The following PLPP3 variants were observed in gnomAD, a reference collection of about 807,000 sequenced individuals.
PLPP3 encodes phospholipid phosphatase 3, also known as PAP2 beta.
In PLPP3, 6 loss-of-function variants were observed where a neutral mutation model predicts 29.6. The ratio of observed to expected loss-of-function variants is 0.20; its 90% CI spans 0.11 to 0.40. The LOEUF is 0.40. PLPP3 is among the 10% of genes least tolerant of loss of function. The pLI, the probability that PLPP3 is intolerant of heterozygous loss-of-function variation, is 1.00. For missense variants in PLPP3, 308 were observed against 407.7 expected (o/e 0.76, Z 2.11); for synonymous variants, 152 against 159.7 (o/e 0.95, Z 0.36).
At position 56,548,354 on chromosome 1, in the gene PLPP3, C is replaced by T. The variant is rs899051465; in HGVS notation, c.140-11242G>A. Among the ~76,000 whole-genome samples the T allele has an allele frequency of 3.9e-5, 6 of 152,350 alleles. No homozygotes were observed. In the East Asian group the frequency reaches 9.6e-4, roughly 24 times the overall value. On this transcript the variant is annotated intron_variant, in intron 1 of 5. Transcript: ENST00000371250. Reference sequence around the variant, plus strand: ...TTGAAGTCCAAACTAATCCCTTTGACCTTCTGCCTAAACACTCACTAATCA... The same window carrying T: ...TTGAAGTCCAAACTAATCCCTTTGATCTTCTGCCTAAACACTCACTAATCA...
chr1:56,546,225 C>G (rs889305647), intron 1 of PLPP3, among the ~76,000 whole-genome samples: 2 of 152,246 alleles, frequency 1.3e-5, no homozygotes, highest in African/African-American at 4.8e-5. Flanking sequence ...GAGCCACCTA[C>G]TCCCCACTAT....
intron 1 of PLPP3, among the ~76,000 whole-genome samples, chr1:56,537,924 G>A (rs1254058307): frequency 6.6e-6 from 1 of 152,112 alleles, no homozygotes; most frequent in Admixed American, 6.5e-5. Flanking sequence ...AAAGGTCATG[G>A]CAAATGGATT....
At position 56,561,832 on chromosome 1, in the gene PLPP3, C is replaced by A. The variant is rs780386216; in HGVS notation, c.139+17046G>T. Among the ~76,000 whole-genome samples, 122 of 151,670 alleles carry A rather than the reference C, an allele frequency of 8.0e-4. 1 individual carries two copies. Among genetic ancestry groups the A allele is most frequent in the Non-Finnish European group, 1.5e-3 (104 of 67,952 alleles). On this transcript the variant is annotated intron_variant, in intron 1 of 5. Transcript: ENST00000371250. ...GGTGAATCACCTGAGGTCAGGAGTT[C>A]AAGACCAGCCTGGGCAACATGGTGA... is the stretch of plus-strand genomic sequence containing the variant.
rs1645836168 is a variant in PLPP3 at position 56,524,016 on chromosome 1, G to A, written c.576-136C>T. 11 of 1,053,530 alleles carry A rather than the reference G, an allele frequency of 1.0e-5. No individual in the cohort carries two copies. Among genetic ancestry groups the A allele is most frequent in the Non-Finnish European group, 1.4e-5 (10 of 721,160 alleles). 65.3% of individuals were successfully genotyped at this position (1,053,530 alleles called of 1,614,324 possible). On this transcript the variant is annotated intron_variant, in intron 3 of 5. Coordinates refer to ENST00000371250, the MANE Select transcript of PLPP3 (RefSeq NM_003713.5). This position sits in a 1 kb window ranked among gnomAD's most constrained non-coding sequence, Gnocchi z 4.3. ...TGTTCATTTTTGCATCCTTGGTAGT[G>A]CTTTGGACCCATGCCTGGAACATAG... is the stretch of plus-strand genomic sequence containing the variant.
chr1:56,537,191 A>G (rs1482032440), intron 1 of PLPP3, 79 bp from the exon 2 acceptor site: 2 of 1,445,170 alleles, frequency 1.4e-6, no homozygotes, highest in Non-Finnish European at 1.9e-6. Context: ...CCAAAGAGGA[A>G]CTTCAAGAAA....
chr1:56,529,958 A>G (rs762832465), intron 2 of PLPP3, among the ~76,000 whole-genome samples: 2 of 152,150 alleles, frequency 1.3e-5, no homozygotes, highest in Non-Finnish European at 2.9e-5. Context: ...CACAAGTCTC[A>G]TGAAGAAGAG....
intron 4 of PLPP3, among the ~76,000 whole-genome samples, chr1:56,518,253 G>A (rs1247197748): frequency 6.6e-6 from 1 of 152,158 alleles, no homozygotes. Flanking sequence ...GGTACACCTC[G>A]TGGGCATACC....
chr1:56,542,477 A>AATCAGAGC lies in PLPP3; in HGVS notation c.140-5373_140-5366dup, dbSNP rs556773461. On this transcript the variant is annotated intron_variant, in intron 1 of 5. Transcript: ENST00000371250. Reference sequence around the variant, plus strand: ...AGGAATCTTTGCATTTTTTGACCAAAATCAGAGCACCAGGAGGGGACTTTT... The same window carrying AATCAGAGC: ...AGGAATCTTTGCATTTTTTGACCAAAATCAGAGCATCAGAGCACCAGGAGGGGACTTTT... Among the ~76,000 whole-genome samples the AATCAGAGC allele has an allele frequency of 2.8e-4, 42 of 152,274 alleles. No homozygotes were observed. The East Asian group carries it at 7.9e-3, about 29-fold the overall frequency.
intron 5 of PLPP3, among the ~76,000 whole-genome samples, chr1:56,508,836 C>T (rs896524079): frequency 2.0e-5 from 3 of 152,160 alleles, no homozygotes; most frequent in African/African-American, 7.2e-5. Flanking sequence ...CCCACACCTC[C>T]TCACAGATCT....
chr1:56,501,576 G>A (rs1250861125), intron 5 of PLPP3, among the ~76,000 whole-genome samples: 2 of 152,114 alleles, frequency 1.3e-5, no homozygotes, highest in African/African-American at 4.8e-5. Context: ...TTATCTGTGG[G>A]GAAGTGATTC....
rs750660535 is a variant in PLPP3, at chr1:56,537,081, G to A, written c.171C>T (p.Ser57=). 6.2e-7 allele frequency: 1 copy of A among 1,613,518 alleles called. No individual in the cohort carries two copies. Among genetic ancestry groups the A allele is most frequent in the Non-Finnish European group, 8.5e-7 (1 of 1,179,774 alleles). Residue 57 remains serine, a synonymous_variant, in exon 2 of 6, where the codon AGC becomes AGT. Coordinates refer to ENST00000371250, the MANE Select transcript of PLPP3 (RefSeq NM_003713.5). ...AGLPFLIIET[S]TIKPYHRGFY... ...ACCCTCGGTGGTAAGGCTTGATGGT[G>A]CTTGTCTCGATGATGAGGAAGGGGA... is the stretch of plus-strand genomic sequence containing the variant.
intron 2 of PLPP3, among the ~76,000 whole-genome samples, chr1:56,527,886 G>A (rs933776837): frequency 1.3e-4 from 20 of 152,234 alleles, no homozygotes; most frequent in African/African-American, 3.9e-4. Flanking sequence ...TAACTCTCGA[G>A]TCCCAGATTT....
intron 1 of PLPP3, among the ~76,000 whole-genome samples, chr1:56,578,641 G>A (rs1480350438): frequency 2.0e-5 from 3 of 152,190 alleles, no homozygotes; most frequent in Non-Finnish European, 2.9e-5. Context: ...TTTAACAGTT[G>A]CCCACGAACG....
chr1:56,545,613 C>T (rs1218567492), intron 1 of PLPP3, among the ~76,000 whole-genome samples: 2 of 152,118 alleles, frequency 1.3e-5, no homozygotes, highest in Admixed American at 1.3e-4. Context: ...CAGTGGGAAC[C>T]CTGCCATATA....
intron 1 of PLPP3, among the ~76,000 whole-genome samples, chr1:56,577,140 T>G (rs1260126119): frequency 6.6e-6 from 1 of 151,926 alleles, no homozygotes; most frequent in African/African-American, 2.4e-5. Flanking sequence ...ACACAGGGAG[T>G]TCCAGGCAAG....
At position 56,578,958 on chromosome 1, in the gene PLPP3, G is replaced by A. The variant is rs1418129246; in HGVS notation, c.59C>T (p.Pro20Leu). 6.2e-7 allele frequency: 1 copy of A among 1,602,880 alleles called. No homozygotes were observed. The highest frequency in any genetic ancestry group is 8.5e-7 in the Non-Finnish European group (1 of 1,175,718). ...IVPESKNGGS[P>L]ALNNNPRRSG... ...CCTCCTCGGGTTGTTGTTGAGCGCC[G>A]GGCTGCCGCCGTTCTTGCTCTCCGG... The change falls in exon 1 of 6, where the codon CCG becomes CTG. Residue 20 changes from proline to leucine, a missense_variant. Pro to Leu is a moderately conservative substitution (Grantham distance 98). Around this residue, in one of 3 missense-constraint regions of PLPP3, gnomAD observed 67 missense variants for 61.3 expected, o/e 1.09. Coordinates refer to ENST00000371250, the MANE Select transcript of PLPP3 (RefSeq NM_003713.5).
At chr1:56,575,135 G>T (rs1186344253) in intron 1 of PLPP3, among the ~76,000 whole-genome samples, 1 of 152,020 alleles carries the variant, frequency 6.6e-6, no homozygotes, top group South Asian at 2.1e-4. Context: ...ACTAGAAATC[G>T]GTCACCGCAT....
chr1:56,539,136 C>T (rs1216572402), intron 1 of PLPP3, among the ~76,000 whole-genome samples: 1 of 152,088 alleles, frequency 6.6e-6, no homozygotes, highest in African/African-American at 2.4e-5. Context: ...TCTTAGTCCA[C>T]CTCCAAATGC....
chr1:56,542,239 G>C (rs1450556120), intron 1 of PLPP3, among the ~76,000 whole-genome samples: 1 of 152,088 alleles, frequency 6.6e-6, no homozygotes, highest in Non-Finnish European at 1.5e-5. Context: ...GTGGTTTGGG[G>C]GTGGAGTGTA....
Sources: gnomAD v4.1 joint callset for allele counts (sites outside exome capture counted in the v4.1 genomes callset) on GRCh38, gnomAD v4.1.1 for gene constraint, gnomAD v4.1.1 regional missense constraint, Gnocchi (gnomAD v3.1) non-coding constraint, MANE v1.5 for transcripts, NCBI Gene and HGNC (gene_info 2026-07-23, HGNC 2026-07-21) for gene names.